The following FAF2 variants were observed in gnomAD, a reference collection of about 807,000 sequenced individuals.
FAF2 encodes Fas associated factor family member 2.
A neutral mutation model predicts 62.3 loss-of-function variants in FAF2; 9 were observed. The observed-to-expected ratio is 0.14, with a 90% confidence interval of 0.09 to 0.25. The LOEUF (loss-of-function observed/expected upper bound fraction) is 0.25. Ranked by LOEUF, FAF2 falls within the 10% of genes least tolerant of loss-of-function variation. The probability of loss-of-function intolerance (pLI) is 1.00; values close to 1 mark genes in which losing one functional copy is unlikely to be tolerated. For synonymous variants in FAF2, 202 were observed against 198.0 expected (o/e 1.02, Z -0.17); for missense variants, 368 against 556.2 (o/e 0.66, Z 3.40).
intron 1 of FAF2, among the ~76,000 whole-genome samples, chr5:176,458,878 C>T (rs1758326216): frequency 6.6e-6 from 1 of 152,092 alleles, no homozygotes; most frequent in Non-Finnish European, 1.5e-5. Flanking sequence ...CTCATGCCTC[C>T]CTTGCTCTTC....
intron 1 of FAF2, among the ~76,000 whole-genome samples, chr5:176,467,904 C>T (rs1384484872): frequency 1.3e-5 from 2 of 152,182 alleles, no homozygotes; most frequent in African/African-American, 4.8e-5. Context: ...GTGGCTCACA[C>T]CTGTCATCCC....
chr5:176,482,981 C>T (rs369954704), intron 2 of FAF2, among the ~76,000 whole-genome samples: 8 of 151,998 alleles, frequency 5.3e-5, no homozygotes, highest in South Asian at 2.1e-4. Flanking sequence ...CCGCCCGCCT[C>T]GGCCTCCCAA....
intron 1 of FAF2, among the ~76,000 whole-genome samples, chr5:176,467,371 C>A (rs968164263): frequency 6.6e-6 from 1 of 151,228 alleles, no homozygotes; most frequent in African/African-American, 2.4e-5. Flanking sequence ...GCCCTTTTTG[C>A]CCAGCCTAGA....
Position 176,500,054 on chromosome 5 carries a change from T to A in FAF2, c.1063T>A (p.Ser355Thr), listed in dbSNP as rs1401130351. The part of the protein sequence containing the change: ...RKLECLPPEP[S>T]PDDPESVKII... The stretch of plus-strand genomic sequence containing the variant: ...GTTGGAATGCCTGCCCCCTGAACCT[T>A]CCCCTGATGACCCTGAAAGTGTCAA... Residue 355 changes from serine (S) to threonine (T), a missense_variant, in exon 10 of 11, where the codon TCC (serine) becomes ACC (threonine). This residue lies in a region of FAF2 where 37 missense variants were observed against 114.3 expected (regional missense o/e 0.32). Coordinates refer to ENST00000261942, the MANE Select transcript of FAF2 (RefSeq NM_014613.3). 1 of 1,613,978 alleles carries A rather than the reference T, an allele frequency of 6.2e-7. No homozygotes were observed. The highest frequency in any genetic ancestry group is 1.3e-5 in the African/African-American group (1 of 74,894).
intron 1 of FAF2, among the ~76,000 whole-genome samples, chr5:176,469,429 G>A (rs989912774): frequency 9.9e-5 from 15 of 152,138 alleles, no homozygotes; most frequent in African/African-American, 3.1e-4. Flanking sequence ...TGGTAGCAAA[G>A]CTAATGGAAT....
intron 1 of FAF2, among the ~76,000 whole-genome samples, chr5:176,471,217 T>G (rs1758561508): frequency 6.6e-6 from 1 of 152,162 alleles, no homozygotes; most frequent in African/African-American, 2.4e-5. Context: ...TATATAATCT[T>G]GCTGGTGTCT....
intron 2 of FAF2, among the ~76,000 whole-genome samples, chr5:176,485,394 G>A (rs1022707852): frequency 6.6e-6 from 1 of 152,194 alleles, no homozygotes; most frequent in African/African-American, 2.4e-5. Flanking sequence ...TGGCATGGCC[G>A]GCTTTCACCC....
chr5:176,485,912 T>A (rs1168854187), intron 2 of FAF2, among the ~76,000 whole-genome samples: 1 of 152,144 alleles, frequency 6.6e-6, no homozygotes, highest in East Asian at 1.9e-4. Flanking sequence ...AGATGGAGCT[T>A]GGATCAGACC....
Position 176,494,844 on chromosome 5 carries a change from G to A in FAF2, c.661+569G>A, listed in dbSNP as rs1214748888. On this transcript the variant is annotated intron_variant, in intron 7 of 10. Coordinates refer to ENST00000261942, the MANE Select transcript of FAF2 (RefSeq NM_014613.3). The surrounding 1 kb of genome is among the most constrained non-coding windows in gnomAD (Gnocchi z 4.0). ...TTACAGGTGTGAGCCACTGTGCCCC[G>A]CCATAATTAGCAAGTTGTAGCGTAC... Among the ~76,000 whole-genome samples the A allele has an allele frequency of 3.9e-5, 6 of 152,132 alleles. No individual in the cohort carries two copies. Among genetic ancestry groups the A allele is most frequent in the Non-Finnish European group, 7.4e-5 (5 of 68,026 alleles).
intron 1 of FAF2, among the ~76,000 whole-genome samples, chr5:176,463,456 C>A (rs955882817): frequency 2.6e-4 from 40 of 151,632 alleles, no homozygotes; most frequent in African/African-American, 9.2e-4. Context: ...TACTTCAGAA[C>A]CTTTTAAGCT....
rs1489724708 is a variant in FAF2 at position 176,508,020 on chromosome 5, C to A, written c.*1070C>A. The A allele has an allele frequency of 6.6e-6, 1 of 152,620 alleles. No individual in the cohort carries two copies. Among genetic ancestry groups the A allele is most frequent in the Non-Finnish European group, 1.5e-5 (1 of 68,056 alleles). The allele number at this position is 152,620 out of a possible 1,614,324, so 9.5% of individuals were successfully genotyped here. ...GCCAGCAGAACCACAGGAGAGTGCC[C>A]TGCCTGTCTCAGTGGAAGTGTATTA... On this transcript the variant is annotated 3_prime_UTR_variant, in exon 11 of 11. Transcript: ENST00000261942.
At chr5:176,459,250 C>CT (rs11386560) in intron 1 of FAF2, among the ~76,000 whole-genome samples, 35,093 of 116,366 alleles carry the variant, frequency 0.3, 6,998 homozygotes, top group African/African-American at 0.49. Flanking sequence ...TCCAGTTAAC[C>CT]TTTTTTTTTT....
At chr5:176,465,176 C>T (rs1374111901) in intron 1 of FAF2, among the ~76,000 whole-genome samples, 1 of 152,124 alleles carries the variant, frequency 6.6e-6, no homozygotes, top group Non-Finnish European at 1.5e-5. Flanking sequence ...CAGGCGTGAG[C>T]CACAGAGCCT....
chr5:176,452,901 T>G (rs1466018095), intron 1 of FAF2, among the ~76,000 whole-genome samples: 1 of 152,226 alleles, frequency 6.6e-6, no homozygotes, highest in East Asian at 1.9e-4. Context: ...CAGGGGTCAG[T>G]ACAGAACAGG....
intron 7 of FAF2, among the ~76,000 whole-genome samples, chr5:176,495,765 G>A (rs1027977181): frequency 7.3e-5 from 11 of 151,226 alleles, no homozygotes; most frequent in African/African-American, 2.2e-4. Context: ...AACCACCTCC[G>A]CCTCCCAAAA....
intron 4 of FAF2, 144 bp from the exon 5 acceptor site, chr5:176,492,050 C>T (rs912570209): frequency 2.2e-5 from 19 of 871,260 alleles, no homozygotes; most frequent in East Asian, 2.5e-5. Context: ...ACTCTACTCT[C>T]GGATTTGATG....
intron 7 of FAF2, 48 bp from the exon 8 acceptor site, chr5:176,496,437 CT>C: frequency 6.9e-7 from 1 of 1,445,546 alleles, no homozygotes; most frequent in Non-Finnish European, 9.2e-7. Context: ...AAGGGTTGAT[CT>C]TTTTCACCGT....
intron 2 of FAF2, among the ~76,000 whole-genome samples, chr5:176,483,044 T>TA (rs1211630626): frequency 6.6e-6 from 1 of 151,612 alleles, no homozygotes; most frequent in Non-Finnish European, 1.5e-5. Flanking sequence ...TTCTTTTTTT[T>TA]ATTTATTTTT....
At chr5:176,493,013 GGAGGAAAAATTA>G (rs1759000271) in intron 5 of FAF2, among the ~76,000 whole-genome samples, 1 of 152,074 alleles carries the variant, frequency 6.6e-6, no homozygotes, top group Non-Finnish European at 1.5e-5. Flanking sequence ...ACCATTCAGG[GGAGGAAAAATTA>G]GAGTTCTGTG....
Sources: allele counts gnomAD v4.1 joint callset (sites outside exome capture counted in the v4.1 genomes callset), GRCh38; gene constraint gnomAD v4.1.1; regional missense constraint gnomAD v4.1.1; non-coding constraint Gnocchi (gnomAD v3.1); transcripts MANE v1.5; gene names NCBI Gene and HGNC (gene_info 2026-07-23, HGNC 2026-07-21).